CFDP1: variants seen among roughly 807,000 people sequenced by gnomAD.
The protein encoded by CFDP1 is chromatin remodeling protein CFDP1.
In CFDP1, 31 loss-of-function variants were observed where a neutral mutation model predicts 40.1. That is an observed-to-expected ratio of 0.77 (90% confidence interval 0.58 to 1.04). The LOEUF (loss-of-function observed/expected upper bound fraction) is 1.04. Among genes scored for constraint, CFDP1 ranks in the 50% least tolerant of loss-of-function variants. CFDP1 has a pLI of 0.00. For missense variants in CFDP1, 423 were observed against 343.4 expected (o/e 1.23, Z -1.83); for synonymous variants, 167 against 120.0 (o/e 1.39, Z -2.56).
intron 5 of CFDP1, among the ~76,000 whole-genome samples, chr16:75,326,924 T>C (rs1362438386): frequency 6.6e-6 from 1 of 152,186 alleles, no homozygotes; most frequent in Non-Finnish European, 1.5e-5. Context: ...GTTTCAAAAA[T>C]TTAGCTCCCA....
In CFDP1 at chr16:75,349,330, T is replaced by TGAAC. The variant is rs1160372139; in HGVS notation, c.651-44152_651-44149dup. ...TTCAGGACCAGCCAGGCCAAAATGG[T>TGAAC]GAACTCCCATCTCCACTAAAAATAG... is the stretch of plus-strand genomic sequence containing the variant. On this transcript the variant is annotated intron_variant, in intron 5 of 6. Transcript: ENST00000283882. 9.2e-5 allele frequency among the ~76,000 whole-genome samples: 14 copies of TGAAC among 151,442 alleles called. No homozygotes were observed. In the South Asian group the frequency reaches 2.9e-3, roughly 32 times the overall value.
chr16:75,432,279 T>G (rs1188319969), intron 1 of CFDP1, among the ~76,000 whole-genome samples: 1 of 146,008 alleles, frequency 6.8e-6, no homozygotes, highest in African/African-American at 2.5e-5. Context: ...CTCATGCCTG[T>G]AATCCCAGCA....
At chr16:75,387,125 G>C (rs2078904602) in intron 5 of CFDP1, among the ~76,000 whole-genome samples, 1 of 146,646 alleles carries the variant, frequency 6.8e-6, no homozygotes, top group African/African-American at 2.5e-5. Flanking sequence ...TCAGGTACAG[G>C]GTATTCTTTT....
chr16:75,381,818 G>C (rs901188818), intron 5 of CFDP1, among the ~76,000 whole-genome samples: 10 of 152,222 alleles, frequency 6.6e-5, no homozygotes, highest in African/African-American at 2.2e-4. Flanking sequence ...TGAAAGGACA[G>C]AGCAGAGGGA....
intron 5 of CFDP1, chr16:75,391,323 A>G (rs922967523): frequency 6.6e-6 from 1 of 152,216 alleles, no homozygotes; most frequent in Non-Finnish European, 1.5e-5. Flanking sequence ...TCCAGAGGTA[A>G]CTTCATAGCA....
chr16:75,431,065 A>G (rs1417567194), intron 1 of CFDP1, among the ~76,000 whole-genome samples: 1 of 152,188 alleles, frequency 6.6e-6, no homozygotes, highest in African/African-American at 2.4e-5. Context: ...GGCAATTATT[A>G]GCACCAGAGA....
chr16:75,355,401 CTAAA>C (rs1334705072), intron 5 of CFDP1, among the ~76,000 whole-genome samples: 1 of 152,206 alleles, frequency 6.6e-6, no homozygotes, highest in African/African-American at 2.4e-5. Context: ...GCTTTATCAA[CTAAA>C]TATATACTAT....
At chr16:75,357,250 T>C (rs1288324848) in intron 5 of CFDP1, among the ~76,000 whole-genome samples, 2 of 151,982 alleles carry the variant, frequency 1.3e-5, no homozygotes. Context: ...TTATTTTATT[T>C]ATTTTTAATT....
rs35216321 is a variant in CFDP1 at position 75,383,817 on chromosome 16, T to TAAAAA, written c.650+11268_650+11272dup. Among the ~76,000 whole-genome samples, 15 of 127,370 alleles carry TAAAAA rather than the reference T, an allele frequency of 1.2e-4. No homozygotes were observed. The South Asian group carries it at 3.4e-3, about 29-fold the overall frequency. 83.6% of individuals were successfully genotyped at this position (127,370 alleles called of 152,430 possible). A position where few individuals can be genotyped will look rare whatever the true frequency, so the allele number is the denominator to read the frequency against. On this transcript the variant is annotated intron_variant, in intron 5 of 6. Coordinates refer to ENST00000283882, the MANE Select transcript of CFDP1 (RefSeq NM_006324.3). ...CTGGCAAAAGAGCGAGACTCCGTCT[T>TAAAAA]AAAAAAAAAAAAAAAAAAAAGATAC...
intron 5 of CFDP1, among the ~76,000 whole-genome samples, chr16:75,334,333 G>A (rs950706225): frequency 3.3e-5 from 5 of 151,732 alleles, no homozygotes; most frequent in East Asian, 1.9e-4. Flanking sequence ...AAAAAGGACC[G>A]GGAAAGACGA....
At position 75,328,441 on chromosome 16, in the gene CFDP1, G is replaced by GA. The variant is rs1194115812; in HGVS notation, c.651-23260dup. ...CTCATCGAAAAATACAAAAAAAAAA[G>GA]AAAAAAAATAGCTGGGTGTGGTGGC... On this transcript the variant is annotated intron_variant, in intron 5 of 6. Coordinates refer to ENST00000283882, the MANE Select transcript of CFDP1 (RefSeq NM_006324.3). Among the ~76,000 whole-genome samples the GA allele has an allele frequency of 5.7e-5, 8 of 141,562 alleles. No homozygotes were observed. The East Asian group carries it at 6.5e-4, about 11-fold the overall frequency. The allele number at this position is 141,562 out of a possible 152,430, so 92.9% of individuals were successfully genotyped here.
At chr16:75,310,790 G>T (rs921954519) in intron 5 of CFDP1, among the ~76,000 whole-genome samples, 17 of 152,202 alleles carry the variant, frequency 1.1e-4, no homozygotes, top group African/African-American at 4.1e-4. Context: ...AAGGCTGACA[G>T]GGCTTACCAA....
intron 5 of CFDP1, among the ~76,000 whole-genome samples, chr16:75,359,147 G>A (rs2078665321): frequency 1.3e-5 from 2 of 152,108 alleles, no homozygotes; most frequent in Non-Finnish European, 2.9e-5. Flanking sequence ...TGACACTCCA[G>A]CTATCTTCGA....
chr16:75,381,301 A>G (rs2078850009), intron 5 of CFDP1: 1 of 152,162 alleles, frequency 6.6e-6, no homozygotes, highest in African/African-American at 2.4e-5. Flanking sequence ...CTGTCTCAAT[A>G]AAAAATTAAA....
intron 1 of CFDP1, among the ~76,000 whole-genome samples, chr16:75,425,730 A>AT (rs1434698351): frequency 2.0e-5 from 3 of 151,422 alleles, no homozygotes; most frequent in Non-Finnish European, 4.4e-5. Flanking sequence ...ATGATAACTG[A>AT]TTTTTTAAAA....
chr16:75,382,146 G>A (rs2078857912), intron 5 of CFDP1, among the ~76,000 whole-genome samples: 1 of 151,422 alleles, frequency 6.6e-6, no homozygotes, highest in Non-Finnish European at 1.5e-5. Flanking sequence ...AAAGCTCAGA[G>A]GCATACCAGT....
intron 5 of CFDP1, among the ~76,000 whole-genome samples, chr16:75,371,411 G>A (rs1597360552): frequency 6.6e-6 from 1 of 152,324 alleles, no homozygotes; most frequent in East Asian, 1.9e-4. Flanking sequence ...AAACTGTGGA[G>A]ATTAAAATAG....
At chr16:75,349,678 A>T (rs1421570366) in intron 5 of CFDP1, among the ~76,000 whole-genome samples, 1,162 of 5,820 alleles carry the variant, frequency 0.2, 82 homozygotes, top group Non-Finnish European at 0.22. Flanking sequence ...AAAAAAAAAA[A>T]AAAAAAAAAA....
chr16:75,311,514 A>G (rs1236293804), intron 5 of CFDP1, among the ~76,000 whole-genome samples: 1 of 152,192 alleles, frequency 6.6e-6, no homozygotes, highest in Non-Finnish European at 1.5e-5. Context: ...ATAACAAAAT[A>G]TTCAACACTA....
Sources: gnomAD v4.1 joint callset for allele counts (sites outside exome capture counted in the v4.1 genomes callset) on GRCh38, gnomAD v4.1.1 for gene constraint, MANE v1.5 for transcripts, NCBI Gene and HGNC (gene_info 2026-07-23, HGNC 2026-07-21) for gene names.